ATP5ME: variants seen among roughly 807,000 people sequenced by gnomAD.
The protein encoded by ATP5ME is ATP synthase F(0) complex subunit e, mitochondrial.
Under a neutral mutation model 11.6 loss-of-function variants are expected in ATP5ME, and 10 were observed. That is an observed-to-expected ratio of 0.86 (90% CI 0.53 to 1.46). The LOEUF is 1.46. Among genes scored for constraint, ATP5ME ranks in the 40% most tolerant of loss-of-function variants. ATP5ME has a pLI of 0.00. For missense variants in ATP5ME, 115 were observed against 85.4 expected (o/e 1.35, Z -1.37); for synonymous variants, 45 against 33.5 (o/e 1.34, Z -1.19).
chr4:673,112 A>G (rs928848651), intron 3 of ATP5ME, among the ~76,000 whole-genome samples, 191 bp downstream of exon 3: 12 of 152,124 alleles, frequency 7.9e-5, no homozygotes, highest in Non-Finnish European at 1.3e-4. Context: ...TTGAACTCCT[A>G]ACCTCAGGTG....
intron 3 of ATP5ME, 117 bp downstream of exon 3, chr4:673,186 T>C (rs1738604626): frequency 6.6e-7 from 1 of 1,514,902 alleles, no homozygotes; most frequent in African/African-American, 1.4e-5. Flanking sequence ...CCTGGCCAGC[T>C]TCCCCATTTT....
intron 2 of ATP5ME, 189 bp downstream of exon 2, chr4:673,723 C>G: frequency 1.1e-6 from 1 of 932,442 alleles, no homozygotes; most frequent in African/African-American, 1.6e-5. Flanking sequence ...AGTCCCCCGC[C>G]CGGGCCTCAG....
rs760961915 is a variant in ATP5ME, at chr4:674,222, G to A, written c.26C>T (p.Pro9Leu). MVPPVQVSPLIKLGRYSAL... is the reference protein window; with the variant it reads MVPPVQVSLLIKLGRYSAL... ...CAAAGCCTGGATCACCTTGATGAGCGGAGAGACCTGCACCGGTGGCACCAT... is the reference window on the plus strand; with the variant it reads ...CAAAGCCTGGATCACCTTGATGAGCAGAGAGACCTGCACCGGTGGCACCAT... Residue 9 changes from proline to leucine, a missense_variant, in exon 1 of 4, where the codon CCG becomes CTG. Physicochemically the swap from Pro to Leu is moderately conservative, Grantham distance 98. Transcript: ENST00000304312. The A allele has an allele frequency of 1.3e-5, 21 of 1,611,762 alleles. 1 individual carries two copies. Among genetic ancestry groups the A allele is most frequent in the South Asian group, 2.2e-5 (2 of 91,006 alleles).
In ATP5ME at chr4:672,464, T is replaced by C; in HGVS notation, c.*36A>G. The C allele has an allele frequency of 1.2e-5, 19 of 1,613,510 alleles. No individual in the cohort carries two copies. Among genetic ancestry groups the C allele is most frequent in the Non-Finnish European group, 1.6e-5 (19 of 1,179,740 alleles). On this transcript the variant is annotated 3_prime_UTR_variant, in exon 4 of 4. Coordinates refer to ENST00000304312, the MANE Select transcript of ATP5ME (RefSeq NM_007100.4). Reference sequence around the variant, plus strand: ...CACACAACACAGGAAGCTTTATTCATCCGCTGCTGGTCCAAAGAGTGGGTC... The same window carrying C: ...CACACAACACAGGAAGCTTTATTCACCCGCTGCTGGTCCAAAGAGTGGGTC...
chr4:674,098 G>T, intron 1 of ATP5ME, 114 bp downstream of exon 1: 1 of 1,462,572 alleles, frequency 6.8e-7, no homozygotes, highest in Non-Finnish European at 9.2e-7. Context: ...CGAGGGTCAC[G>T]GGGCGAGGAT....
At chr4:673,671 A>C in intron 2 of ATP5ME, 1 of 751,034 alleles carries the variant, frequency 1.3e-6, no homozygotes, top group Non-Finnish European at 2.2e-6. Context: ...GCACTCGAAC[A>C]GCCATTTAGC....
intron 1 of ATP5ME, 64 bp downstream of exon 1, chr4:674,148 G>C: frequency 6.5e-7 from 1 of 1,539,218 alleles, no homozygotes; most frequent in South Asian, 1.2e-5. Context: ...CGCGGGGTCG[G>C]AGCTGCGGGG....
intron 2 of ATP5ME, 172 bp downstream of exon 2, chr4:673,740 G>A: frequency 9.5e-7 from 1 of 1,056,436 alleles, no homozygotes; most frequent in Non-Finnish European, 1.4e-6. Context: ...TCAGAAGCCT[G>A]AGCTTTGGGT....
rs1244751869 is a variant in ATP5ME, at chr4:672,499, C to T, written c.*1G>A. On this transcript the variant is annotated 3_prime_UTR_variant, in exon 4 of 4. Transcript: ENST00000304312. ...GTCCAAAGAGTGGGTCGCAGGGTCA[C>T]TCACTTTAATATGCTGTCATCTTGG... 17 of 1,614,002 alleles carry T rather than the reference C, an allele frequency of 1.1e-5. No individual in the cohort carries two copies. Among genetic ancestry groups the T allele is most frequent in the Non-Finnish European group, 1.4e-5 (16 of 1,179,976 alleles).
intron 1 of ATP5ME, 24 bp downstream of exon 1, chr4:674,188 C>G (rs779416570): frequency 6.2e-7 from 1 of 1,609,546 alleles, no homozygotes; most frequent in East Asian, 2.2e-5. Flanking sequence ...GAGCACTGGG[C>G]GGCGGCTGCA....
chr4:674,108 T>A (rs1443522104), intron 1 of ATP5ME, 104 bp downstream of exon 1: 2 of 824,984 alleles, frequency 2.4e-6, no homozygotes, highest in South Asian at 2.0e-5. Flanking sequence ...GGGGCGAGGA[T>A]CATGGGGGCG....
chr4:674,024 G>A (rs1560148487), intron 1 of ATP5ME, 58 bp from the exon 2 acceptor site: 4 of 1,528,378 alleles, frequency 2.6e-6, no homozygotes, highest in South Asian at 1.2e-5. Context: ...CGGGGGTCGC[G>A]GGAGGAGGGG....
At chr4:673,544 C>G in intron 2 of ATP5ME, 143 bp from the exon 3 acceptor site, 1 of 1,428,202 alleles carries the variant, frequency 7.0e-7, no homozygotes, top group South Asian at 1.3e-5. Context: ...CGAGTCAACG[C>G]CTGACCTTCA....
rs753605745 is a variant in ATP5ME, at chr4:673,342, GCTT to G, written c.148_150del (p.Lys50del). On this transcript the variant is annotated inframe_deletion, in exon 3 of 4. Coordinates refer to ENST00000304312, the MANE Select transcript of ATP5ME (RefSeq NM_007100.4). ...CTGGCAATCCGTTTCAGTTCATCCT[GCTT>G]CTTCTTCTCTTCTGCTGCTATCCTC... The G allele has an allele frequency of 1.0e-4, 168 of 1,614,032 alleles. 1 individual carries two copies. Among genetic ancestry groups the G allele is most frequent in the South Asian group, 2.1e-4 (19 of 91,084 alleles).
chr4:673,005 C>A (rs751368200), intron 3 of ATP5ME, among the ~76,000 whole-genome samples: 1 of 152,236 alleles, frequency 6.6e-6, no homozygotes, highest in Non-Finnish European at 1.5e-5. Context: ...GTCTCAGCCT[C>A]CCAAAGTGCT....
chr4:672,661 A>C, intron 3 of ATP5ME, 142 bp from the exon 4 acceptor site: 126 of 872,524 alleles, frequency 1.4e-4, no homozygotes, highest in East Asian at 2.2e-4. Context: ...GCGCAATCTC[A>C]GCTCACTGCA....
chr4:672,532 G>A lies in ATP5ME; in HGVS notation c.191-13C>T, dbSNP rs1738561220. ...AATATGCTGTCATCTTGGGCCGGAA[G>A]GTTAGAAGAAAAGCACATGTTACCA... On this transcript the variant is annotated splice_polypyrimidine_tract_variant and intron_variant, in intron 3 of 3. Transcript: ENST00000304312. The A allele has an allele frequency of 2.5e-6, 4 of 1,613,524 alleles. No individual in the cohort carries two copies. The East Asian group carries it at 8.9e-5, about 36-fold the overall frequency.
Position 673,416 on chromosome 4 carries a change from G to C in ATP5ME, c.92-15C>G. On this transcript the variant is annotated splice_polypyrimidine_tract_variant and intron_variant, in intron 2 of 3. Transcript: ENST00000304312. The stretch of plus-strand genomic sequence containing the variant: ...TTTTAGGTAATCTGTTTGGCGGAAT[G>C]CAGGAGAATAAAATTCACTGGAAAT... The C allele has an allele frequency of 6.2e-7, 1 of 1,614,094 alleles. No homozygotes were observed. The highest frequency in any genetic ancestry group is 8.5e-7 in the Non-Finnish European group (1 of 1,180,000).
intron 2 of ATP5ME, 176 bp from the exon 3 acceptor site, chr4:673,577 G>T (rs1180215032): frequency 8.7e-7 from 1 of 1,149,800 alleles, no homozygotes; most frequent in Non-Finnish European, 1.2e-6. Context: ...CAACCCAGAG[G>T]CTACAGGGCC....
Sources: allele counts gnomAD v4.1 joint callset (sites outside exome capture counted in the v4.1 genomes callset), GRCh38; gene constraint gnomAD v4.1.1; transcripts MANE v1.5; gene names NCBI Gene and HGNC (gene_info 2026-07-23, HGNC 2026-07-21).